CNOT10: variants seen among roughly 807,000 people sequenced by gnomAD.
CNOT10 encodes the protein CCR4-NOT transcription complex, subunit 10.
Under a neutral mutation model 94.6 loss-of-function variants are expected in CNOT10, and 30 were observed. The ratio of observed to expected loss-of-function variants is 0.32; its 90% confidence interval spans 0.24 to 0.43. The LOEUF (loss-of-function observed/expected upper bound fraction) is 0.43. Among genes scored for constraint, CNOT10 ranks in the 20% least tolerant of loss-of-function variants. The pLI is 1.00. For synonymous variants in CNOT10, 289 were observed against 301.6 expected (o/e 0.96, Z 0.43); for missense variants, 759 against 877.2 (o/e 0.87, Z 1.70).
chr3:32,724,966 G>T (rs1251083181), intron 8 of CNOT10, among the ~76,000 whole-genome samples: 1 of 152,148 alleles, frequency 6.6e-6, no homozygotes. Context: ...TTTCATTAGT[G>T]GATGCAATGC....
At chr3:32,687,436 AC>A (rs35690582) in intron 1 of CNOT10, among the ~76,000 whole-genome samples, 15,670 of 44,698 alleles carry the variant, frequency 0.35, 1,459 homozygotes, top group South Asian at 0.47. Context: ...TTAAGTCCTC[AC>A]GGTTTTTTTT....
chr3:32,717,061 A>G (rs1698156945), intron 6 of CNOT10, 93 bp from the exon 7 acceptor site: 3 of 648,246 alleles, frequency 4.6e-6, no homozygotes, highest in African/African-American at 1.9e-5. Flanking sequence ...TAGTGTAACT[A>G]TGTTGTAAAT....
intron 15 of CNOT10, 81 bp from the exon 16 acceptor site, chr3:32,764,374 C>G (rs1328202744): frequency 2.2e-6 from 3 of 1,369,824 alleles, no homozygotes; most frequent in African/African-American, 2.9e-5. Context: ...AATATGCCCT[C>G]TACCTTCTGA....
In CNOT10 at chr3:32,737,431, T is replaced by C. The variant is rs187908759; in HGVS notation, c.1536T>C (p.Asp512=). ...ETCSSKSHDG[D]KFIPAPPSSP... ...TTAGCAGTAAAAGCCATGATGGAGA[T>C]AAATTCATTCCAGCTCCACCTTCTT... is the stretch of plus-strand genomic sequence containing the variant. The change falls in exon 13 of 19, where the codon GAT becomes GAC. Residue 512 remains aspartate, a synonymous_variant. Coordinates refer to ENST00000328834, the MANE Select transcript of CNOT10 (RefSeq NM_015442.3). 6.2e-7 allele frequency: 1 copy of C among 1,610,890 alleles called. No individual in the cohort carries two copies. Among genetic ancestry groups the C allele is most frequent in the Admixed American group, 1.7e-5 (1 of 59,872 alleles).
intron 3 of CNOT10, among the ~76,000 whole-genome samples, chr3:32,707,619 C>T (rs1697683441): frequency 6.6e-6 from 1 of 152,064 alleles, no homozygotes; most frequent in Non-Finnish European, 1.5e-5. Flanking sequence ...GCCTGGCCAA[C>T]ATGGTGAAAC....
chr3:32,732,157 G>C lies in CNOT10; in HGVS notation c.1216-1266G>C, dbSNP rs566864972. Among the ~76,000 whole-genome samples, 7 of 151,772 alleles carry C rather than the reference G, an allele frequency of 4.6e-5. No individual in the cohort carries two copies. The South Asian group carries it at 1.3e-3, about 27-fold the overall frequency. ...TGTAATCTCAGTACTTTGGGAGGCC[G>C]AGGCGGGCGGATCACTTGAGGTCAG... On this transcript the variant is annotated intron_variant, in intron 10 of 18. Coordinates refer to ENST00000328834, the MANE Select transcript of CNOT10 (RefSeq NM_015442.3).
intron 14 of CNOT10, 108 bp downstream of exon 14, chr3:32,759,679 G>C: frequency 2.6e-6 from 2 of 777,314 alleles, no homozygotes; most frequent in Non-Finnish European, 4.3e-6. Context: ...ATATATATTT[G>C]TAAGGAAAGC....
intron 3 of CNOT10, among the ~76,000 whole-genome samples, chr3:32,708,261 A>G (rs977051144): frequency 6.6e-6 from 1 of 152,122 alleles, no homozygotes; most frequent in African/African-American, 2.4e-5. Flanking sequence ...TATGAATACT[A>G]CGTGACATTT....
intron 12 of CNOT10, among the ~76,000 whole-genome samples, chr3:32,736,528 GCTAAGGGAGAC>G (rs1389343824): frequency 6.6e-6 from 1 of 152,154 alleles, no homozygotes; most frequent in African/African-American, 2.4e-5. Flanking sequence ...TAATCCCAGT[GCTAAGGGAGAC>G]CAAGGCTGAA....
At chr3:32,701,853 T>C (rs113634122) in intron 1 of CNOT10, among the ~76,000 whole-genome samples, 9,303 of 152,234 alleles carry the variant, frequency 0.061, 329 homozygotes, top group African/African-American at 0.091. Flanking sequence ...AGTGCAGTGG[T>C]GCAATCTCGG....
intron 12 of CNOT10, among the ~76,000 whole-genome samples, chr3:32,735,675 C>A (rs1322669579): frequency 6.6e-6 from 1 of 152,138 alleles, no homozygotes; most frequent in Non-Finnish European, 1.5e-5. Flanking sequence ...CCACTGCACT[C>A]CATCCAGCCT....
chr3:32,702,246 C>A (rs1380045457), intron 1 of CNOT10, among the ~76,000 whole-genome samples: 1 of 152,192 alleles, frequency 6.6e-6, no homozygotes, highest in Non-Finnish European at 1.5e-5. Context: ...TAGGCATGAG[C>A]CATCACGCCC....
At chr3:32,772,999 G>T (rs936807602) in intron 18 of CNOT10, among the ~76,000 whole-genome samples, 3 of 152,238 alleles carry the variant, frequency 2.0e-5, no homozygotes, top group South Asian at 4.1e-4. Context: ...CCAAGTAGCT[G>T]GGACTACAGG....
chr3:32,688,826 G>C (rs1339468954), intron 1 of CNOT10, among the ~76,000 whole-genome samples: 1 of 151,984 alleles, frequency 6.6e-6, no homozygotes, highest in African/African-American at 2.4e-5. Context: ...GAGGTGGGAG[G>C]ATTGCTTGTA....
chr3:32,762,826 T>C lies in CNOT10; in HGVS notation c.1803T>C (p.Asp601=), dbSNP rs1282880382. ...ITHLNPENVT[D]VSLGISSNEQ... is the part of the protein sequence containing the mutation. ...ACTTGAACCCGGAGAATGTCACTGA[T>C]GTCTCCTTAGGGATCTCTTCAAATG... is the stretch of plus-strand genomic sequence containing the variant. Residue 601 remains aspartate, a synonymous_variant, in exon 15 of 19, where the codon GAT becomes GAC. Coordinates refer to ENST00000328834, the MANE Select transcript of CNOT10 (RefSeq NM_015442.3). 3.2e-6 allele frequency: 5 copies of C among 1,585,736 alleles called. No homozygotes were observed. The highest frequency in any genetic ancestry group is 4.3e-6 in the Non-Finnish European group (5 of 1,171,750).
chr3:32,760,506 T>C (rs944968688), intron 14 of CNOT10, among the ~76,000 whole-genome samples: 1 of 151,820 alleles, frequency 6.6e-6, no homozygotes, highest in Admixed American at 6.6e-5. Context: ...GTGGCAGGCA[T>C]CCATAATTCC....
chr3:32,764,601 G>A, intron 16 of CNOT10, 81 bp from the exon 17 acceptor site: 2 of 1,600,182 alleles, frequency 1.2e-6, no homozygotes, highest in Non-Finnish European at 1.7e-6. Flanking sequence ...TGTGCCAAGT[G>A]GCTCCTCAAG....
Position 32,717,155 on chromosome 3 carries a change from A to C in CNOT10, c.662A>C (p.Tyr221Ser), listed in dbSNP as rs771498202. ...IEAAKSKIHQ[Y>S]KVRAYIQMKS... ...ATACTAACATTTTCCCTTTGACAGT[A>C]CAAAGTACGAGCTTATATCCAAATG... is the stretch of plus-strand genomic sequence containing the variant. The change falls in exon 7 of 19, where the codon TAC becomes TCC. Residue 221 changes from tyrosine to serine, a missense_variant and splice_region_variant. Physicochemically the swap from Tyr to Ser is moderately radical, Grantham distance 144. Around this residue, in one of 3 missense-constraint regions of CNOT10, gnomAD observed 682 missense variants for 799.4 expected, o/e 0.85. Transcript: ENST00000328834. The C allele has an allele frequency of 6.3e-7, 1 of 1,585,522 alleles. No individual in the cohort carries two copies.
At chr3:32,764,223 G>A in intron 15 of CNOT10, 1 of 466,494 alleles carries the variant, frequency 2.1e-6, no homozygotes, top group Non-Finnish European at 3.7e-6. Flanking sequence ...TGTAATCCCA[G>A]CTACTCAGGA....
Sources: allele counts gnomAD v4.1 joint callset (sites outside exome capture counted in the v4.1 genomes callset), GRCh38; gene constraint gnomAD v4.1.1; regional missense constraint gnomAD v4.1.1; transcripts MANE v1.5; gene names NCBI Gene and HGNC (gene_info 2026-07-23, HGNC 2026-07-21).